Variants in CLDN16 observed in about 807,000 individuals in gnomAD.
The protein encoded by CLDN16 is claudin-16.
A neutral mutation model predicts 24.6 loss-of-function variants in CLDN16; 13 were observed. The ratio of observed to expected loss-of-function variants is 0.53; its 90% CI spans 0.34 to 0.84. CLDN16 has a LOEUF of 0.84. Among genes scored for constraint, CLDN16 ranks in the 40% least tolerant of loss-of-function variants. The probability of loss-of-function intolerance (pLI) is 0.01; values close to 1 mark genes in which losing one functional copy is unlikely to be tolerated. For synonymous variants in CLDN16, 116 were observed against 106.7 expected (o/e 1.09, Z -0.54); for missense variants, 298 against 292.7 (o/e 1.02, Z -0.13).
chr3:190,388,058 C>T, upstream of CLDN16: 1 of 1,506,684 alleles, frequency 6.6e-7, no homozygotes, highest in Non-Finnish European at 9.2e-7. Context: ...TCTCCCCCAC[C>T]CGAAACACAC....
chr3:190,407,865 A>C (rs1045600783), intron 3 of CLDN16, among the ~76,000 whole-genome samples: 2 of 152,244 alleles, frequency 1.3e-5, no homozygotes, highest in African/African-American at 2.4e-5. Context: ...TACAGGGAGC[A>C]TTAAATACAA....
At chr3:190,402,029 A>G (rs1577429126) in intron 1 of CLDN16, among the ~76,000 whole-genome samples, 2 of 152,124 alleles carry the variant, frequency 1.3e-5, no homozygotes, top group African/African-American at 4.8e-5. Context: ...CCATAACTCA[A>G]TGGTGGAAGC....
intron 1 of CLDN16, among the ~76,000 whole-genome samples, chr3:190,327,915 A>C (rs6787886): frequency 6.6e-6 from 1 of 152,204 alleles, no homozygotes; most frequent in African/African-American, 2.4e-5. Flanking sequence ...TTTGACTCAC[A>C]AGTAGATCTT....
At chr3:190,339,647 G>T (rs1443734886) in intron 1 of CLDN16, among the ~76,000 whole-genome samples, 1 of 152,120 alleles carries the variant, frequency 6.6e-6, no homozygotes, top group Non-Finnish European at 1.5e-5. Flanking sequence ...TTGATTTAAG[G>T]ATTAATATGT....
chr3:190,392,059 C>CTTTTTTTTTTTTTTT (rs35220103), intron 1 of CLDN16, among the ~76,000 whole-genome samples: 1,877 of 125,650 alleles, frequency 0.015, 125 homozygotes, highest in Middle Eastern at 0.023. Context: ...CCTTTTCAGT[C>CTTTTTTTTTTTTTTT]TTTTTTTTTT....
At chr3:190,368,396 G>A (rs1246335433) in intron 1 of CLDN16, among the ~76,000 whole-genome samples, 1 of 151,908 alleles carries the variant, frequency 6.6e-6, no homozygotes, top group Non-Finnish European at 1.5e-5. Context: ...TATAGCCTTA[G>A]CCAACAGCTT....
At chr3:190,364,289 T>C (rs1160614529) in intron 1 of CLDN16, among the ~76,000 whole-genome samples, 1 of 151,892 alleles carries the variant, frequency 6.6e-6, no homozygotes, top group Non-Finnish European at 1.5e-5. Context: ...TGTAGCAGTA[T>C]TGCAGTGGTG....
intron 1 of CLDN16, among the ~76,000 whole-genome samples, chr3:190,399,405 G>A (rs202057264): frequency 6.6e-6 from 1 of 151,998 alleles, no homozygotes; most frequent in Non-Finnish European, 1.5e-5. Flanking sequence ...CCATCTACTC[G>A]GGAGGCTGAG....
chr3:190,353,028 T>C (rs1325377680), intron 1 of CLDN16, among the ~76,000 whole-genome samples: 1 of 152,038 alleles, frequency 6.6e-6, no homozygotes, highest in African/African-American at 2.4e-5. Context: ...CTTAATAAAA[T>C]ACGCAACCAA....
chr3:190,361,379 C>G (rs1717884104), intron 1 of CLDN16, among the ~76,000 whole-genome samples: 1 of 152,000 alleles, frequency 6.6e-6, no homozygotes, highest in African/African-American at 2.4e-5. Flanking sequence ...AACCTGTAAG[C>G]TGTTCTTGTT....
At chr3:190,321,915 G>A, upstream of CLDN16, 1 of 1,131,554 alleles carries the variant, frequency 8.8e-7, no homozygotes, top group Non-Finnish European at 1.3e-6. Context: ...ACAACAGAAT[G>A]AGCCCATAAG....
At chr3:190,300,171 G>A in the CLDN16 span, among the ~76,000 whole-genome samples, 3 of 151,332 alleles carry the variant, frequency 2.0e-5, no homozygotes, top group Non-Finnish European at 2.9e-5. Flanking sequence ...TCGTGGGGGC[G>A]GGCAGTTTGC....
At chr3:190,379,981 C>CTATT (rs777212410) in intron 3 of CLDN16, among the ~76,000 whole-genome samples, 11 of 127,754 alleles carry the variant, frequency 8.6e-5, no homozygotes, top group South Asian at 4.4e-4. Flanking sequence ...CTCTGTCTAT[C>CTATT]TATCTATCTA....
At chr3:190,396,245 C>G (rs1289340325) in intron 1 of CLDN16, among the ~76,000 whole-genome samples, 1 of 152,134 alleles carries the variant, frequency 6.6e-6, no homozygotes, top group Non-Finnish European at 1.5e-5. Context: ...TGACATCCTA[C>G]TCATTTTTAG....
the CLDN16 span, among the ~76,000 whole-genome samples, chr3:190,302,223 T>C: frequency 6.6e-6 from 1 of 152,350 alleles, no homozygotes; most frequent in Non-Finnish European, 1.5e-5. Context: ...AAGACTTCCA[T>C]TGCCACATTA....
intron 1 of CLDN16, among the ~76,000 whole-genome samples, chr3:190,344,429 T>C (rs78501453): frequency 0.047 from 7,180 of 151,828 alleles, 569 homozygotes; most frequent in African/African-American, 0.16. Flanking sequence ...ATTTAATGTG[T>C]ATATAAACTG....
intron 1 of CLDN16, among the ~76,000 whole-genome samples, chr3:190,369,671 A>G (rs534444699): frequency 1.3e-5 from 2 of 152,066 alleles, no homozygotes; most frequent in South Asian, 2.1e-4. Flanking sequence ...ACATCGTTCT[A>G]TGTCAACAAA....
At chr3:190,318,469 G>A (rs563242021), upstream of CLDN16, among the ~76,000 whole-genome samples, 1 of 152,140 alleles carries the variant, frequency 6.6e-6, no homozygotes, top group African/African-American at 2.4e-5. Context: ...ATAGGGCCTA[G>A]CTTGCATCTG....
chr3:190,315,540 T>C, the CLDN16 span, among the ~76,000 whole-genome samples: 1 of 152,192 alleles, frequency 6.6e-6, no homozygotes, highest in African/African-American at 2.4e-5. Flanking sequence ...ACTGTCAGCA[T>C]AGAGATCACA....
Sources: gnomAD v4.1 joint callset for allele counts (sites outside exome capture counted in the v4.1 genomes callset) on GRCh38, gnomAD v4.1.1 for gene constraint, MANE v1.5 for transcripts, NCBI Gene and HGNC (gene_info 2026-07-23, HGNC 2026-07-21) for gene names.